RIPOR3: variants seen among roughly 807,000 people sequenced by gnomAD.
RIPOR3 encodes family with sequence similarity 65 member C.
RIPOR3 carries 95 observed loss-of-function variants against 114.3 expected under a neutral mutation model. That is an observed-to-expected ratio of 0.83 (90% CI 0.70 to 0.99). The LOEUF is 0.99. Ranked by LOEUF, RIPOR3 falls within the 50% of genes least tolerant of loss-of-function variation. The pLI is 0.00. For missense variants in RIPOR3, 1,252 were observed against 1,266.9 expected, an observed-to-expected ratio of 0.99 and a Z score of 0.18; for synonymous variants, 575 against 543.8, an observed-to-expected ratio of 1.06 and a Z score of -0.80.
At chr20:50,593,270 G>A (rs2083174509) in intron 17 of RIPOR3, 74 bp from the exon 18 acceptor site, 45 of 1,530,038 alleles carry the variant, frequency 2.9e-5, no homozygotes, top group Non-Finnish European at 3.8e-5. Flanking sequence ...GGAGTAGCCT[G>A]GTCAGCTAAA....
intron 19 of RIPOR3, among the ~76,000 whole-genome samples, chr20:50,591,551 A>C (rs1410067696): frequency 6.6e-6 from 1 of 152,226 alleles, no homozygotes; most frequent in African/African-American, 2.4e-5. Flanking sequence ...ATGGGCTCCA[A>C]GAAGGGCTAT....
intron 19 of RIPOR3, among the ~76,000 whole-genome samples, chr20:50,591,642 T>C (rs1269499575): frequency 6.6e-6 from 1 of 152,228 alleles, no homozygotes; most frequent in Non-Finnish European, 1.5e-5. Context: ...TCACCCTTCC[T>C]GAACCCCTCA....
intron 1 of RIPOR3, 69 bp from the exon 2 acceptor site, chr20:50,630,925 C>T: frequency 8.0e-7 from 1 of 1,252,892 alleles, no homozygotes; most frequent in Non-Finnish European, 1.1e-6. Context: ...AGGCCAGCCA[C>T]CTTCCACCAA....
chr20:50,594,275 CAAAAAAAAAAA>C (rs35958484), intron 17 of RIPOR3, among the ~76,000 whole-genome samples: 3 of 77,612 alleles, frequency 3.9e-5, no homozygotes, highest in African/African-American at 9.1e-5. Flanking sequence ...GACTCCATCT[CAAAAAAAAAAA>C]AAAAAAAAAA....
Position 50,616,096 on chromosome 20 carries a change from G to A in RIPOR3, c.270-16C>T, listed in dbSNP as rs2123122708. 6.2e-7 allele frequency: 1 copy of A among 1,608,318 alleles called. No individual in the cohort carries two copies. The highest frequency in any genetic ancestry group is 1.1e-5 in the South Asian group (1 of 89,754). ...CAGATACTCCCTGCAAGGAAAGCAAGGAAGAGTTTCAAATGGAAGAGGAAG... is the reference window on the plus strand; with the variant it reads ...CAGATACTCCCTGCAAGGAAAGCAAAGAAGAGTTTCAAATGGAAGAGGAAG... On this transcript the variant is annotated splice_polypyrimidine_tract_variant and intron_variant, in intron 3 of 21. Transcript: ENST00000327979.
chr20:50,658,413 A>G (rs1380047766), intron 1 of RIPOR3, among the ~76,000 whole-genome samples: 18 of 152,190 alleles, frequency 1.2e-4, no homozygotes. Context: ...AGAGACAGAA[A>G]TCAGAATGGT....
chr20:50,611,663 G>T (rs1016012259), intron 4 of RIPOR3, among the ~76,000 whole-genome samples: 3 of 152,196 alleles, frequency 2.0e-5, no homozygotes, highest in Admixed American at 1.3e-4. Flanking sequence ...AGCAGTTCAG[G>T]CCTTAATGGT....
At chr20:50,670,255 C>A (rs2086422806) in intron 1 of RIPOR3, among the ~76,000 whole-genome samples, 1 of 151,874 alleles carries the variant, frequency 6.6e-6, no homozygotes, top group African/African-American at 2.4e-5. Context: ...GTTTTACCTA[C>A]TGCCGGTTTC....
rs774655122 is a variant in RIPOR3 at position 50,589,787 on chromosome 20, G to A, written c.2578-18C>T. 1 of 1,608,990 alleles carries A rather than the reference G, an allele frequency of 6.2e-7. No homozygotes were observed. Among genetic ancestry groups the A allele is most frequent in the Non-Finnish European group, 8.5e-7 (1 of 1,177,038 alleles). On this transcript the variant is annotated intron_variant, in intron 19 of 21. Transcript: ENST00000327979. Reference sequence around the variant, plus strand: ...AGCAAAGCCTGGGGAGAGTAAGGAGGCTGTGAATGGAGGGGTAAGCAGAAG... The same window carrying A: ...AGCAAAGCCTGGGGAGAGTAAGGAGACTGTGAATGGAGGGGTAAGCAGAAG...
intron 2 of RIPOR3, among the ~76,000 whole-genome samples, chr20:50,621,412 C>T (rs2084399306): frequency 1.3e-5 from 2 of 152,182 alleles, no homozygotes; most frequent in Admixed American, 1.3e-4. Flanking sequence ...GAAAGGTAGC[C>T]TGACTAATCA....
chr20:50,682,610 A>ATGTGTGTGTGTGTGTGTGTG (rs1230359539), intron 1 of RIPOR3, among the ~76,000 whole-genome samples: 1 of 13,512 alleles, frequency 7.4e-5, no homozygotes, highest in African/African-American at 1.1e-4. Context: ...CTGTCTCAAA[A>ATGTGTGTGTGTGTGTGTGTG]TATGTGTGTG....
At chr20:50,618,643 A>G (rs1303873130) in intron 3 of RIPOR3, among the ~76,000 whole-genome samples, 1 of 152,006 alleles carries the variant, frequency 6.6e-6, no homozygotes, top group African/African-American at 2.4e-5. Flanking sequence ...CCTTACTACC[A>G]TCTGATATTC....
At chr20:50,587,618 A>AG (rs1302103571) in intron 21 of RIPOR3, among the ~76,000 whole-genome samples, 184 bp downstream of exon 21, 1 of 152,106 alleles carries the variant, frequency 6.6e-6, no homozygotes, top group Non-Finnish European at 1.5e-5. Flanking sequence ...CCAGCCATGG[A>AG]GGAGGCCTGC....
At chr20:50,592,909 C>G in intron 18 of RIPOR3, 126 bp downstream of exon 18, 6 of 1,226,086 alleles carry the variant, frequency 4.9e-6, no homozygotes, top group Non-Finnish European at 6.9e-6. Flanking sequence ...CTCATTAAAT[C>G]GGGGTTCCCA....
intron 1 of RIPOR3, among the ~76,000 whole-genome samples, chr20:50,637,545 G>C (rs1166966399): frequency 6.6e-6 from 1 of 152,158 alleles, no homozygotes; most frequent in African/African-American, 2.4e-5. Flanking sequence ...CCAGGGAGCA[G>C]GGGGTTTTTC....
intron 1 of RIPOR3, chr20:50,636,825 A>C (rs2085006301): frequency 4.1e-6 from 4 of 985,290 alleles, no homozygotes; most frequent in South Asian, 9.4e-5. Flanking sequence ...TCTCCTCCCC[A>C]CCGCCAGCCA....
intron 2 of RIPOR3, among the ~76,000 whole-genome samples, chr20:50,624,092 C>T (rs2084529270): frequency 6.6e-6 from 1 of 152,194 alleles, no homozygotes; most frequent in African/African-American, 2.4e-5. Context: ...CCGCCTTGGC[C>T]TCCCAAAGTA....
chr20:50,608,364 T>G (rs1422050981), intron 11 of RIPOR3, 25 bp downstream of exon 11: 3 of 1,612,862 alleles, frequency 1.9e-6, no homozygotes, highest in Non-Finnish European at 2.5e-6. Context: ...AGGCCTCCGC[T>G]CTCCCCAGGC....
At chr20:50,678,176 C>T (rs1211375895) in intron 1 of RIPOR3, among the ~76,000 whole-genome samples, 1 of 152,156 alleles carries the variant, frequency 6.6e-6, no homozygotes, top group Non-Finnish European at 1.5e-5. Flanking sequence ...TGTGTTGGAG[C>T]AGAGATCCCA....
Sources: gnomAD v4.1 joint callset for allele counts (sites outside exome capture counted in the v4.1 genomes callset) on GRCh38, gnomAD v4.1.1 for gene constraint, MANE v1.5 for transcripts, NCBI Gene and HGNC (gene_info 2026-07-23, HGNC 2026-07-21) for gene names.